RFC3: variants seen among roughly 807,000 people sequenced by gnomAD.
RFC3 encodes A1 38 kDa subunit.
RFC3 carries 41 observed loss-of-function variants against 45.1 expected under a neutral mutation model. That is an observed-to-expected ratio of 0.91 (90% CI 0.71 to 1.18). The LOEUF (loss-of-function observed/expected upper bound fraction) is 1.18. Ranked by LOEUF, RFC3 falls within the 50% of genes most tolerant of loss-of-function variation. The pLI is 0.00. For missense variants in RFC3, 423 were observed against 428.1 expected, an observed-to-expected ratio of 0.99 and a Z score of 0.10; for synonymous variants, 149 against 144.0, an observed-to-expected ratio of 1.03 and a Z score of -0.25.
At chr13:33,957,991 C>CTAG (rs1467852297) in intron 8 of RFC3, among the ~76,000 whole-genome samples, 1 of 152,068 alleles carries the variant, frequency 6.6e-6, no homozygotes, top group African/African-American at 2.4e-5. Context: ...ATCTTATATC[C>CTAG]TAGTAGAGAC....
rs146067058 is a variant in RFC3, at chr13:33,905,168, A to G, written c.880-60919A>G. Among the ~76,000 whole-genome samples, 202 of 150,882 alleles carry G rather than the reference A, an allele frequency of 1.3e-3. 5 individuals carry two copies. In the East Asian group the frequency reaches 0.034, roughly 26 times the overall value. On this transcript the variant is annotated intron_variant, in intron 8 of 8. Coordinates refer to the RFC3 transcript ENST00000434425. Reference sequence around the variant, plus strand: ...ATCTCTGAAATCAGGATAGGCCTACAATCACAGATAGCCAGGTGACAATTG... The same window carrying G: ...ATCTCTGAAATCAGGATAGGCCTACGATCACAGATAGCCAGGTGACAATTG...
chr13:33,915,286 A>G (rs1270289439), intron 8 of RFC3, among the ~76,000 whole-genome samples: 6 of 152,152 alleles, frequency 3.9e-5, no homozygotes, highest in Non-Finnish European at 8.8e-5. Flanking sequence ...AATTCAGGAG[A>G]TAAAATGAAG....
chr13:33,958,010 T>A (rs868666312), intron 8 of RFC3, among the ~76,000 whole-genome samples: 16 of 152,120 alleles, frequency 1.1e-4, no homozygotes, highest in African/African-American at 3.9e-4. Flanking sequence ...ACGAGAGTTT[T>A]AAAAAAATCA....
chr13:33,868,918 A>G (rs561625469), intron 8 of RFC3, among the ~76,000 whole-genome samples: 8 of 152,354 alleles, frequency 5.3e-5, no homozygotes, highest in Non-Finnish European at 8.8e-5. Flanking sequence ...ATATGTGTGC[A>G]TTGCCTAGGC....
chr13:33,818,417 G>C, intron 1 of RFC3, 152 bp downstream of exon 1: 1 of 609,530 alleles, frequency 1.6e-6, no homozygotes, highest in Non-Finnish European at 2.8e-6. Flanking sequence ...AGAGGTGTGG[G>C]AGGCTGGCTT....
chr13:33,918,324 G>A (rs759376506), intron 8 of RFC3, among the ~76,000 whole-genome samples: 2 of 152,096 alleles, frequency 1.3e-5, no homozygotes, highest in African/African-American at 2.4e-5. Flanking sequence ...GAGTACCTTC[G>A]CTACAGTACC....
chr13:33,944,228 G>A (rs1172326401), intron 8 of RFC3, among the ~76,000 whole-genome samples: 3 of 152,160 alleles, frequency 2.0e-5, no homozygotes, highest in Non-Finnish European at 4.4e-5. Context: ...TGTGACAAGT[G>A]ACATCCTTTT....
chr13:33,934,486 C>G (rs2082873481), intron 8 of RFC3, among the ~76,000 whole-genome samples: 1 of 152,118 alleles, frequency 6.6e-6, no homozygotes, highest in African/African-American at 2.4e-5. Flanking sequence ...GACTGTGTGT[C>G]TTGGCTTGGG....
intron 8 of RFC3, among the ~76,000 whole-genome samples, chr13:33,890,238 T>C (rs961701579): frequency 6.6e-6 from 1 of 152,184 alleles, no homozygotes; most frequent in African/African-American, 2.4e-5. Context: ...AACTATTGTG[T>C]AGCAAATGAT....
chr13:33,918,180 C>T (rs1240184967), intron 8 of RFC3, among the ~76,000 whole-genome samples: 2 of 152,146 alleles, frequency 1.3e-5, no homozygotes, highest in Non-Finnish European at 2.9e-5. Flanking sequence ...CATTCTGCCT[C>T]TCAAGGCAAT....
chr13:33,952,455 T>G (rs1000058469), intron 8 of RFC3, among the ~76,000 whole-genome samples: 9 of 152,206 alleles, frequency 5.9e-5, no homozygotes, highest in African/African-American at 2.2e-4. Flanking sequence ...TTCAATTTAT[T>G]AGACTATATC....
At chr13:33,945,559 A>C (rs2082949460) in intron 8 of RFC3, among the ~76,000 whole-genome samples, 1 of 152,112 alleles carries the variant, frequency 6.6e-6, no homozygotes, top group African/African-American at 2.4e-5. Context: ...ATCTCTCTTC[A>C]CCCTAAAGTT....
At chr13:33,833,953 C>T (rs1383216536) in intron 7 of RFC3, among the ~76,000 whole-genome samples, 2 of 152,042 alleles carry the variant, frequency 1.3e-5, no homozygotes, top group Non-Finnish European at 2.9e-5. Flanking sequence ...AATACTTTCA[C>T]AGACATTGGA....
chr13:33,910,948 G>A (rs887142010), intron 8 of RFC3, among the ~76,000 whole-genome samples: 14 of 151,940 alleles, frequency 9.2e-5, no homozygotes, highest in African/African-American at 2.4e-5. Context: ...TTTCATGAGA[G>A]CAGCACGAAA....
At chr13:33,881,139 A>G (rs1336173136) in intron 8 of RFC3, among the ~76,000 whole-genome samples, 1 of 152,182 alleles carries the variant, frequency 6.6e-6, no homozygotes. Context: ...GACACTTAAG[A>G]TAACTGTTTA....
chr13:33,869,996 A>G (rs1262221367), intron 8 of RFC3, among the ~76,000 whole-genome samples: 1 of 152,238 alleles, frequency 6.6e-6, no homozygotes, highest in Non-Finnish European at 1.5e-5. Flanking sequence ...GGTTCCACAA[A>G]GGGAACGAGC....
intron 8 of RFC3, among the ~76,000 whole-genome samples, chr13:33,960,008 G>C (rs1223485162): frequency 6.6e-6 from 1 of 151,988 alleles, no homozygotes; most frequent in Admixed American, 6.6e-5. Flanking sequence ...TGTCAGGGGA[G>C]GTGCCACACA....
intron 8 of RFC3, among the ~76,000 whole-genome samples, chr13:33,920,153 A>G (rs1441004509): frequency 6.6e-6 from 1 of 152,126 alleles, no homozygotes; most frequent in African/African-American, 2.4e-5. Flanking sequence ...AACCTCAATA[A>G]ATTTTTAGCA....
chr13:33,949,750 T>C (rs1040595162), intron 8 of RFC3, among the ~76,000 whole-genome samples: 1 of 152,188 alleles, frequency 6.6e-6, no homozygotes, highest in Non-Finnish European at 1.5e-5. Flanking sequence ...ATAGGTAGAC[T>C]GAATAAAGCA....
Sources: gnomAD v4.1 joint callset for allele counts (sites outside exome capture counted in the v4.1 genomes callset) on GRCh38, gnomAD v4.1.1 for gene constraint, MANE v1.5 for transcripts, NCBI Gene and HGNC (gene_info 2026-07-23, HGNC 2026-07-21) for gene names.